The following IRAK1BP1 variants were observed in gnomAD, a reference collection of about 807,000 sequenced individuals.
The protein encoded by IRAK1BP1 is interleukin-1 receptor-associated kinase 1-binding protein 1.
A neutral mutation model predicts 28.0 loss-of-function variants in IRAK1BP1; 24 were observed. The ratio of observed to expected loss-of-function variants is 0.86; its 90% confidence interval spans 0.62 to 1.20. The LOEUF (loss-of-function observed/expected upper bound fraction) is 1.20, where lower values mean the gene tolerates loss of function less well. Among genes scored for constraint, IRAK1BP1 ranks in the 50% most tolerant of loss-of-function variants. IRAK1BP1 has a pLI of 0.00. For missense variants in IRAK1BP1, 336 were observed against 316.7 expected (o/e 1.06, Z -0.46); for synonymous variants, 131 against 116.3 (o/e 1.13, Z -0.81).
At chr6:78,970,653 T>C in the IRAK1BP1 span, 2 of 636,770 alleles carry the variant, frequency 3.1e-6, no homozygotes, top group South Asian at 2.1e-5. Context: ...TCTCTAGGAC[T>C]GCTTCAATTA....
intron 4 of IRAK1BP1, among the ~76,000 whole-genome samples, chr6:78,931,533 C>T (rs1014044155): frequency 6.6e-5 from 10 of 152,046 alleles, no homozygotes; most frequent in South Asian, 2.1e-4. Context: ...AGTCTGGTTC[C>T]GGACCACCAA....
chr6:78,896,824 CA>C (rs36004777), intron 2 of IRAK1BP1, among the ~76,000 whole-genome samples: 66,404 of 132,278 alleles, frequency 0.5, 15,335 homozygotes, highest in East Asian at 0.7. Flanking sequence ...GACCCTGGCT[CA>C]AAAAAAAAAA....
exon 5 of IRAK1BP1, chr6:78,945,685 C>T: frequency 1.6e-6 from 1 of 613,738 alleles, no homozygotes; most frequent in Non-Finnish European, 2.9e-6. Context: ...AGTTTCAGCC[C>T]TTTTAGAAGC....
At chr6:78,935,768 C>T in intron 4 of IRAK1BP1, 1 of 984,312 alleles carries the variant, frequency 1.0e-6, no homozygotes, top group Non-Finnish European at 1.2e-6. Context: ...TGCCATATGA[C>T]CACTTTGGTA....
chr6:78,879,121 G>A (rs532255903), intron 1 of IRAK1BP1, among the ~76,000 whole-genome samples: 5 of 152,218 alleles, frequency 3.3e-5, no homozygotes, highest in African/African-American at 1.2e-4. Context: ...GCTAGGTTGA[G>A]TTCTCACTCA....
intron 4 of IRAK1BP1, chr6:78,939,834 T>C (rs1244528366): frequency 6.6e-6 from 1 of 152,402 alleles, no homozygotes; most frequent in Non-Finnish European, 1.5e-5. Flanking sequence ...TTTCTATTAG[T>C]ACCAAAAAAA....
At chr6:78,884,684 G>C (rs1771352513) in intron 1 of IRAK1BP1, among the ~76,000 whole-genome samples, 2 of 152,034 alleles carry the variant, frequency 1.3e-5, no homozygotes, top group South Asian at 4.2e-4. Context: ...GATAAATGTG[G>C]AAACTAAGGC....
rs1217399478 is a variant in IRAK1BP1 at position 78,935,574 on chromosome 6, G to C, written c.*68-9834G>C. 5.2e-6 allele frequency: 5 copies of C among 969,562 alleles called. No individual in the cohort carries two copies. The African/African-American group carries it at 7.0e-5, about 14-fold the overall frequency. The allele number at this position is 969,562 out of a possible 1,614,324, so 60.1% of individuals were successfully genotyped here. A position where few individuals can be genotyped will look rare whatever the true frequency, so the allele number is the denominator to read the frequency against. On this transcript the variant is annotated intron_variant and NMD_transcript_variant, in intron 4 of 4. Transcript: ENST00000606868. ...CACTCATCACAGTAACTTACGGTAA[G>C]AAATCAATAAAATTGTTTTATTAAA...
chr6:78,891,273 A>G (rs1194610569), intron 2 of IRAK1BP1, among the ~76,000 whole-genome samples: 2 of 152,196 alleles, frequency 1.3e-5, no homozygotes, highest in African/African-American at 4.8e-5. Context: ...GCTGTAAACA[A>G]TCATAATAGT....
intron 4 of IRAK1BP1, among the ~76,000 whole-genome samples, chr6:78,928,227 C>A (rs1772943772): frequency 6.6e-6 from 1 of 151,782 alleles, no homozygotes; most frequent in South Asian, 2.1e-4. Flanking sequence ...TTATAGAGAT[C>A]TTTCACTTCT....
At chr6:78,891,493 C>T (rs1771660460) in intron 2 of IRAK1BP1, among the ~76,000 whole-genome samples, 1 of 149,476 alleles carries the variant, frequency 6.7e-6, no homozygotes, top group South Asian at 2.1e-4. Context: ...CGAAGTCTCA[C>T]TCTTGTCACC....
chr6:78,970,678 A>AT, the IRAK1BP1 span: 1 of 707,714 alleles, frequency 1.4e-6, no homozygotes, highest in East Asian at 2.7e-5. Flanking sequence ...AGGTATCTTC[A>AT]TGATGCAGTT....
the IRAK1BP1 span, chr6:78,955,668 T>C: frequency 9.3e-7 from 1 of 1,071,002 alleles, no homozygotes; most frequent in South Asian, 1.4e-5. Context: ...AATTATGTTA[T>C]AACAAGTCTG....
chr6:78,958,540 A>G, the IRAK1BP1 span: 1 of 1,581,382 alleles, frequency 6.3e-7, no homozygotes, highest in Non-Finnish European at 8.7e-7. Flanking sequence ...TTCCAGGCTC[A>G]TTAAATGTTC....
At chr6:78,976,853 A>G in the IRAK1BP1 span, among the ~76,000 whole-genome samples, 44 of 100,670 alleles carry the variant, frequency 4.4e-4, no homozygotes, top group South Asian at 7.9e-4. Context: ...TTAGAATGGC[A>G]ATCATTAAAA....
the IRAK1BP1 span, chr6:78,961,715 G>C: frequency 1.2e-6 from 2 of 1,612,410 alleles, no homozygotes; most frequent in Non-Finnish European, 1.7e-6. Flanking sequence ...TCCAGTCTTT[G>C]TTTAATTGTA....
At chr6:78,878,332 G>A (rs542383786) in intron 1 of IRAK1BP1, among the ~76,000 whole-genome samples, 1 of 152,220 alleles carries the variant, frequency 6.6e-6, no homozygotes, top group Non-Finnish European at 1.5e-5. Flanking sequence ...AACGTTTGCT[G>A]TTCTGCAGTA....
chr6:78,926,689 A>G (rs1772899772), intron 4 of IRAK1BP1, among the ~76,000 whole-genome samples: 1 of 152,038 alleles, frequency 6.6e-6, no homozygotes, highest in African/African-American at 2.4e-5. Flanking sequence ...CACCTCCCCG[A>G]CACCCTCCCA....
At chr6:78,971,834 G>T in the IRAK1BP1 span, among the ~76,000 whole-genome samples, 1 of 152,224 alleles carries the variant, frequency 6.6e-6, no homozygotes, top group African/African-American at 2.4e-5. Context: ...CTTAAAAAAC[G>T]GCGCACCACG....
Sources: gnomAD v4.1 joint callset for allele counts (sites outside exome capture counted in the v4.1 genomes callset) on GRCh38, gnomAD v4.1.1 for gene constraint, MANE v1.5 for transcripts, NCBI Gene and HGNC (gene_info 2026-07-23, HGNC 2026-07-21) for gene names.